Variants in ZNF791 observed in about 807,000 individuals in gnomAD.
ZNF791 encodes zinc finger protein 791.
ZNF791 carries 4 observed loss-of-function variants against 11.5 expected under a neutral mutation model. That is an observed-to-expected ratio of 0.35 (90% CI 0.17 to 0.80). The LOEUF (loss-of-function observed/expected upper bound fraction) is 0.80, where lower values mean the gene tolerates loss of function less well. Among genes scored for constraint, ZNF791 ranks in the 30% least tolerant of loss-of-function variants. The pLI is 0.53. For missense variants in ZNF791, 559 were observed against 699.4 expected, an observed-to-expected ratio of 0.80 and a Z score of 2.26; for synonymous variants, 212 against 228.1, an observed-to-expected ratio of 0.93 and a Z score of 0.64.
chr19:12,625,368 G>A (rs538056033), intron 3 of ZNF791, among the ~76,000 whole-genome samples: 1 of 151,600 alleles, frequency 6.6e-6, no homozygotes, highest in African/African-American at 2.4e-5. Context: ...TGATCTGCCC[G>A]CCTCAGCCTT....
At chr19:12,625,877 C>G (rs1284109932) in intron 3 of ZNF791, among the ~76,000 whole-genome samples, 1 of 151,746 alleles carries the variant, frequency 6.6e-6, no homozygotes, top group Non-Finnish European at 1.5e-5. Context: ...CAGAGTCTCG[C>G]TCTGTCACCC....
At position 12,627,847 on chromosome 19, in the gene ZNF791, A is replaced by C. The variant is rs780422192; in HGVS notation, c.318A>C (p.Gly106=). 9 of 1,614,080 alleles carry C rather than the reference A, an allele frequency of 5.6e-6. No individual in the cohort carries two copies. The East Asian group carries it at 1.8e-4, about 32-fold the overall frequency. The change falls in exon 4 of 4, where the codon GGA becomes GGC. Residue 106 remains glycine, a synonymous_variant. Transcript: ENST00000343325. ...GVKPYECTIC[G]KAFMRLSSLT... ...AACCATATGAGTGTACTATCTGTGG[A>C]AAAGCCTTCATGCGTCTCTCATCCC... is the stretch of plus-strand genomic sequence containing the variant.
chr19:12,612,758 C>T (rs1477322572), intron 1 of ZNF791, among the ~76,000 whole-genome samples: 1 of 150,868 alleles, frequency 6.6e-6, no homozygotes. Flanking sequence ...CACGCCAGGC[C>T]TTTTGCTTCC....
Position 12,632,445 on chromosome 19 carries a change from A to G in ZNF791, c.*3185A>G, listed in dbSNP as rs1469823358. ...TCATGTGGAAGGTGGTGCATATATT[A>G]CCCATTATATATTTATTTCACCTTT... On this transcript the variant is annotated 3_prime_UTR_variant, in exon 4 of 4. Coordinates refer to ENST00000343325, the MANE Select transcript of ZNF791 (RefSeq NM_153358.3). 2.0e-5 allele frequency: 3 copies of G among 152,024 alleles called. No individual in the cohort carries two copies. The highest frequency in any genetic ancestry group is 2.0e-4 in the Admixed American group (3 of 15,216). The allele number at this position is 152,024 out of a possible 1,614,324, so 9.4% of individuals were successfully genotyped here.
chr19:12,618,113 T>C (rs1473768446), intron 1 of ZNF791, among the ~76,000 whole-genome samples: 2 of 151,912 alleles, frequency 1.3e-5, no homozygotes, highest in East Asian at 3.9e-4. Flanking sequence ...AGATGGAGTT[T>C]CACCATGTTG....
intron 1 of ZNF791, among the ~76,000 whole-genome samples, chr19:12,613,851 A>T (rs1381609656): frequency 6.6e-6 from 1 of 152,170 alleles, no homozygotes; most frequent in African/African-American, 2.4e-5. Flanking sequence ...GCACAGGCAG[A>T]TGCTGTTAGG....
chr19:12,621,307 G>C (rs1034950020), intron 1 of ZNF791, among the ~76,000 whole-genome samples: 5 of 152,020 alleles, frequency 3.3e-5, no homozygotes, highest in Non-Finnish European at 7.4e-5. Context: ...GAGGCTCATG[G>C]GTATAACGAT....
rs573924519 is a variant in ZNF791, at chr19:12,611,430, G to A, written c.3+348G>A. ...CCTGAGTCTTCCAAAGATGTTGGAA[G>A]CAGAGTCTCAAATCCACTACCCTGT... On this transcript the variant is annotated intron_variant, in intron 1 of 3. Coordinates refer to ENST00000343325, the MANE Select transcript of ZNF791 (RefSeq NM_153358.3). Among the ~76,000 whole-genome samples the A allele has an allele frequency of 1.1e-3, 173 of 152,220 alleles. 2 individuals are homozygous for A. Among genetic ancestry groups the A allele is most frequent in the African/African-American group, 3.8e-3 (158 of 41,540 alleles).
In ZNF791 at chr19:12,623,826, G is replaced by C. The variant is rs571192504; in HGVS notation, c.130G>C (p.Gly44Arg). 11 of 1,445,810 alleles carry C rather than the reference G, an allele frequency of 7.6e-6. No homozygotes were observed. The Admixed American group carries it at 2.5e-4, about 33-fold the overall frequency. 89.6% of individuals were successfully genotyped at this position (1,445,810 alleles called of 1,614,324 possible). ...QETFKNLASI[G>R]EKWEDPNVED... is the part of the protein sequence containing the mutation. ...AACATTCAAGAACCTGGCATCTATAGGTAAGGATGACATCATTTTTTCTTT... is the reference window on the plus strand; with the variant it reads ...AACATTCAAGAACCTGGCATCTATACGTAAGGATGACATCATTTTTTCTTT... The change falls in exon 2 of 4, where the codon GGG becomes CGG. Residue 44 changes from glycine (G) to arginine (R), a missense_variant and splice_region_variant. Physicochemically the swap from Gly to Arg is moderately radical, Grantham distance 125. Transcript: ENST00000343325.
At chr19:12,615,972 T>C (rs938490333) in intron 1 of ZNF791, among the ~76,000 whole-genome samples, 2 of 152,186 alleles carry the variant, frequency 1.3e-5, no homozygotes, top group Admixed American at 6.6e-5. Context: ...CATGGTCCAC[T>C]GGTAAGAGGA....
chr19:12,620,450 A>G (rs2023321722), intron 1 of ZNF791, among the ~76,000 whole-genome samples: 1 of 152,168 alleles, frequency 6.6e-6, no homozygotes, highest in South Asian at 2.1e-4. Context: ...TGCTGGGATT[A>G]TAGGCATGAG....
intron 1 of ZNF791, among the ~76,000 whole-genome samples, chr19:12,619,623 G>A (rs2023305051): frequency 6.6e-6 from 1 of 151,504 alleles, no homozygotes; most frequent in African/African-American, 2.4e-5. Context: ...CTAATTTTTT[G>A]TATTTTTAGT....
At chr19:12,625,214 G>C (rs967685105) in intron 3 of ZNF791, among the ~76,000 whole-genome samples, 1 of 151,270 alleles carries the variant, frequency 6.6e-6, no homozygotes, top group Non-Finnish European at 1.5e-5. Flanking sequence ...TCCACCTCCC[G>C]GGATCAAGTG....
intron 1 of ZNF791, among the ~76,000 whole-genome samples, chr19:12,615,050 C>T (rs1462903938): frequency 4.9e-5 from 5 of 101,214 alleles, no homozygotes; most frequent in African/African-American, 1.5e-4. Context: ...GACAGGGTCC[C>T]ACTCCGTCGC....
intron 1 of ZNF791, 86 bp from the exon 2 acceptor site, chr19:12,623,614 A>G: frequency 2.5e-6 from 4 of 1,582,378 alleles, no homozygotes; most frequent in Admixed American, 1.8e-5. Flanking sequence ...GGAGACCACA[A>G]AATCGTGTGT....
At chr19:12,621,942 A>C (rs1232640311) in intron 1 of ZNF791, among the ~76,000 whole-genome samples, 1 of 121,008 alleles carries the variant, frequency 8.3e-6, no homozygotes, top group Admixed American at 8.1e-5. Context: ...AAGATTGAGA[A>C]ATCGGATGGT....
chr19:12,633,688 T>C lies in ZNF791; in HGVS notation c.*4428T>C, dbSNP rs1183823443. 5 of 152,234 alleles carry C rather than the reference T, an allele frequency of 3.3e-5. No individual in the cohort carries two copies. The highest frequency in any genetic ancestry group is 7.3e-5 in the Non-Finnish European group (5 of 68,060). 9.4% of individuals were successfully genotyped at this position (152,234 alleles called of 1,614,324 possible). A position where few individuals can be genotyped will look rare whatever the true frequency, so the allele number is the denominator to read the frequency against. On this transcript the variant is annotated 3_prime_UTR_variant, in exon 4 of 4. Coordinates refer to ENST00000343325, the MANE Select transcript of ZNF791 (RefSeq NM_153358.3). ...AAGCATCTATTTCAGACTGTCATGG[T>C]TGGCATTGTTCTCTGAGGTTCTGTC...
intron 1 of ZNF791, 116 bp from the exon 2 acceptor site, chr19:12,623,584 G>C: frequency 7.7e-7 from 1 of 1,302,244 alleles, no homozygotes; most frequent in Non-Finnish European, 1.1e-6. Flanking sequence ...TCTAACAATT[G>C]AGTCATGCAC....
intron 1 of ZNF791, among the ~76,000 whole-genome samples, chr19:12,619,758 A>G (rs1272792751): frequency 6.7e-6 from 1 of 150,156 alleles, no homozygotes. Flanking sequence ...CACTAATGTT[A>G]TCTTAATCGA....
Sources: gnomAD v4.1 joint callset for allele counts (sites outside exome capture counted in the v4.1 genomes callset) on GRCh38, gnomAD v4.1.1 for gene constraint, MANE v1.5 for transcripts, NCBI Gene and HGNC (gene_info 2026-07-23, HGNC 2026-07-21) for gene names.